The following DLGAP1 variants were observed in gnomAD, a reference collection of about 807,000 sequenced individuals.
DLGAP1 encodes disks large-associated protein 1.
DLGAP1 carries 11 observed loss-of-function variants against 90.8 expected under a neutral mutation model. That is an observed-to-expected ratio of 0.12 (90% CI 0.08 to 0.20). The LOEUF is 0.20. DLGAP1 is among the 10% of genes least tolerant of loss of function. DLGAP1 has a pLI of 1.00. For synonymous variants in DLGAP1, 558 were observed against 540.7 expected (o/e 1.03, Z -0.44); for missense variants, 1,050 against 1,333.8 (o/e 0.79, Z 3.31).
intron 3 of DLGAP1, among the ~76,000 whole-genome samples, chr18:3,965,379 T>C (rs1385755439): frequency 6.6e-6 from 1 of 152,214 alleles, no homozygotes; most frequent in African/African-American, 2.4e-5. Context: ...AAAATAAATC[T>C]TAAGAACAAC....
At position 3,507,637 on chromosome 18, in the gene DLGAP1, A is replaced by G. The variant is rs78856525; in HGVS notation, c.2571+933T>C. ...TTTTAAGTAATTTAGATTGCTAATA[A>G]TTGTCTTCACTTGCCAAAAGGTAAA... On this transcript the variant is annotated intron_variant, in intron 11 of 12. Coordinates refer to ENST00000315677, the MANE Select transcript of DLGAP1 (RefSeq NM_004746.4). Among the ~76,000 whole-genome samples, 153 of 151,854 alleles carry G rather than the reference A, an allele frequency of 1.0e-3. 1 individual carries two copies. In the East Asian group the frequency reaches 0.014, roughly 14 times the overall value.
intron 7 of DLGAP1, among the ~76,000 whole-genome samples, chr18:3,714,334 C>T (rs1213486078): frequency 6.6e-6 from 1 of 151,182 alleles, no homozygotes; most frequent in East Asian, 2.0e-4. Flanking sequence ...TTTGAATAGT[C>T]CATTGTTTCT....
chr18:4,089,077 T>C (rs1015767231), intron 2 of DLGAP1, among the ~76,000 whole-genome samples: 1 of 152,236 alleles, frequency 6.6e-6, no homozygotes, highest in Non-Finnish European at 1.5e-5. Flanking sequence ...CTAAAGCTCC[T>C]TAAGCTGATA....
chr18:3,604,456 G>GCACA (rs10609683), intron 7 of DLGAP1: 2 of 150,818 alleles, frequency 1.3e-5, no homozygotes, highest in Admixed American at 6.8e-5. Flanking sequence ...ACACGCACAC[G>GCACA]CACACACACA....
intron 1 of DLGAP1, among the ~76,000 whole-genome samples, chr18:4,170,779 C>T (rs1048057973): frequency 6.6e-6 from 1 of 152,020 alleles, no homozygotes. Flanking sequence ...TACTTATTGT[C>T]TTCCACAACA....
chr18:4,034,251 A>G (rs922440265), intron 2 of DLGAP1, among the ~76,000 whole-genome samples: 3 of 151,430 alleles, frequency 2.0e-5, no homozygotes, highest in Admixed American at 2.0e-4. Flanking sequence ...CATGTTGGCC[A>G]GGCTGGTCTC....
At chr18:3,514,058 G>A (rs1338782510) in intron 10 of DLGAP1, among the ~76,000 whole-genome samples, 4 of 151,610 alleles carry the variant, frequency 2.6e-5, no homozygotes, top group African/African-American at 4.8e-5. Context: ...TTCAAGAGGA[G>A]TTAGGTCTCT....
At chr18:4,432,183 A>C (rs1397530065) in intron 1 of DLGAP1, among the ~76,000 whole-genome samples, 1 of 152,210 alleles carries the variant, frequency 6.6e-6, no homozygotes, top group Non-Finnish European at 1.5e-5. Context: ...GGAAAAGCTT[A>C]AACTTTGCAA....
chr18:4,442,002 G>GT (rs1260370090), intron 1 of DLGAP1, among the ~76,000 whole-genome samples: 2 of 152,044 alleles, frequency 1.3e-5, no homozygotes, highest in East Asian at 1.9e-4. Flanking sequence ...TTGTTTGTTT[G>GT]TTCTTTTGAG....
Position 4,027,121 on chromosome 18 carries a change from T to C in DLGAP1, c.-158-21920A>G, listed in dbSNP as rs148731604. 3.9e-5 allele frequency among the ~76,000 whole-genome samples: 6 copies of C among 152,262 alleles called. No individual in the cohort carries two copies. In the East Asian group the frequency reaches 1.2e-3, roughly 29 times the overall value. ...GGTACTAGATAGTCAGCATGCTTTT[T>C]AGGAAAAAGCACAGAAATTTTGGAG... is the stretch of plus-strand genomic sequence containing the variant. On this transcript the variant is annotated intron_variant, in intron 2 of 12. Coordinates refer to ENST00000315677, the MANE Select transcript of DLGAP1 (RefSeq NM_004746.4).
At chr18:3,584,357 C>A (rs2055751075) in intron 7 of DLGAP1, among the ~76,000 whole-genome samples, 1 of 146,642 alleles carries the variant, frequency 6.8e-6, no homozygotes, top group Non-Finnish European at 1.5e-5. Context: ...ACCTACAGTT[C>A]CAGCTGCCAA....
At chr18:3,875,864 A>G (rs534157684) in intron 4 of DLGAP1, among the ~76,000 whole-genome samples, 31 of 152,138 alleles carry the variant, frequency 2.0e-4, no homozygotes, top group Admixed American at 5.2e-4. Flanking sequence ...AGAGAGCTGA[A>G]AGCATGTTTC....
chr18:3,772,343 TC>T (rs1598681184), intron 5 of DLGAP1, among the ~76,000 whole-genome samples: 3 of 35,298 alleles, frequency 8.5e-5, no homozygotes, highest in East Asian at 3.8e-4. Flanking sequence ...TCTCTCTCTC[TC>T]TCTCTTTCTT....
chr18:4,296,557 T>C (rs2079986935), intron 1 of DLGAP1, among the ~76,000 whole-genome samples: 1 of 152,272 alleles, frequency 6.6e-6, no homozygotes, highest in Non-Finnish European at 1.5e-5. Context: ...TGAGTCATTT[T>C]ATAGTTTAAT....
At chr18:4,251,683 C>G (rs1488013731) in intron 1 of DLGAP1, among the ~76,000 whole-genome samples, 1 of 152,156 alleles carries the variant, frequency 6.6e-6, no homozygotes, top group East Asian at 1.9e-4. Context: ...TATTAAAAAA[C>G]AGTGGAAGCT....
At chr18:4,348,885 C>T (rs2081353678) in intron 1 of DLGAP1, among the ~76,000 whole-genome samples, 1 of 151,970 alleles carries the variant, frequency 6.6e-6, no homozygotes, top group Non-Finnish European at 1.5e-5. Context: ...AGGACAAAAT[C>T]CTTAGAATGA....
intron 1 of DLGAP1, among the ~76,000 whole-genome samples, chr18:4,380,969 A>G (rs1419678490): frequency 1.3e-5 from 2 of 152,122 alleles, no homozygotes; most frequent in East Asian, 1.9e-4. Flanking sequence ...GGCACACCCT[A>G]TTTTCACATT....
At chr18:3,961,079 C>T (rs547045206) in intron 3 of DLGAP1, among the ~76,000 whole-genome samples, 9 of 152,250 alleles carry the variant, frequency 5.9e-5, no homozygotes, top group East Asian at 3.9e-4. Flanking sequence ...AACTACGAGT[C>T]GCCCTGGGCC....
intron 1 of DLGAP1, among the ~76,000 whole-genome samples, chr18:4,256,872 G>A (rs971996263): frequency 6.6e-6 from 1 of 152,122 alleles, no homozygotes; most frequent in African/African-American, 2.4e-5. Flanking sequence ...ACATTACCAA[G>A]AAGAAGGGCG....
Sources: allele counts gnomAD v4.1 joint callset (sites outside exome capture counted in the v4.1 genomes callset), GRCh38; gene constraint gnomAD v4.1.1; transcripts MANE v1.5; gene names NCBI Gene and HGNC (gene_info 2026-07-23, HGNC 2026-07-21).